CCDC149: variants seen among roughly 807,000 people sequenced by gnomAD.
CCDC149 encodes coiled-coil domain containing 149.
Under a neutral mutation model 59.9 loss-of-function variants are expected in CCDC149, and 45 were observed. That is an observed-to-expected ratio of 0.75 (90% CI 0.59 to 0.96). The LOEUF (loss-of-function observed/expected upper bound fraction) is 0.96, where lower values mean the gene tolerates loss of function less well. Among genes scored for constraint, CCDC149 ranks in the 40% least tolerant of loss-of-function variants. The probability of loss-of-function intolerance (pLI) is 0.00; values close to 1 mark genes in which losing one functional copy is unlikely to be tolerated. For missense variants in CCDC149, 584 were observed against 664.7 expected (o/e 0.88, Z 1.33); for synonymous variants, 245 against 260.6 (o/e 0.94, Z 0.58).
At chr4:24,970,892 G>C (rs188150576) in intron 1 of CCDC149, among the ~76,000 whole-genome samples, 68 of 152,262 alleles carry the variant, frequency 4.5e-4, no homozygotes, top group African/African-American at 1.6e-3. Context: ...TGTCAAAACT[G>C]TAGAAGCACA....
At chr4:24,886,053 A>C (rs992182673) in intron 1 of CCDC149, among the ~76,000 whole-genome samples, 1 of 152,226 alleles carries the variant, frequency 6.6e-6, no homozygotes, top group Non-Finnish European at 1.5e-5. Context: ...ACAGAGAAGG[A>C]CATAGAACCT....
intron 1 of CCDC149, among the ~76,000 whole-genome samples, chr4:24,882,858 G>A (rs957515252): frequency 2.0e-5 from 3 of 152,206 alleles, no homozygotes; most frequent in East Asian, 3.8e-4. Context: ...CAGTCTCGAT[G>A]ATGAATGTGT....
At chr4:24,974,761 C>G (rs963297498) in intron 1 of CCDC149, among the ~76,000 whole-genome samples, 1 of 152,170 alleles carries the variant, frequency 6.6e-6, no homozygotes, top group Admixed American at 6.5e-5. Flanking sequence ...GACTCAGGGT[C>G]TCCCTGATTC....
At chr4:24,869,513 G>A (rs1718900882) in intron 3 of CCDC149, among the ~76,000 whole-genome samples, 1 of 152,152 alleles carries the variant, frequency 6.6e-6, no homozygotes, top group African/African-American at 2.4e-5. Context: ...CAACCAAAAG[G>A]GTCCCAACAA....
intron 1 of CCDC149, among the ~76,000 whole-genome samples, chr4:24,890,169 C>T (rs913165984): frequency 4.6e-5 from 7 of 152,180 alleles, no homozygotes; most frequent in South Asian, 2.1e-4. Context: ...GAAGCCACTC[C>T]CCCACTCTGT....
intron 2 of CCDC149, among the ~76,000 whole-genome samples, chr4:24,874,188 G>T (rs1719233509): frequency 6.6e-6 from 1 of 150,608 alleles, no homozygotes; most frequent in Non-Finnish European, 1.5e-5. Context: ...TGTTGGGAGG[G>T]ACAGTATTTG....
chr4:24,895,695 G>A (rs1010518404), intron 1 of CCDC149, among the ~76,000 whole-genome samples: 2 of 152,106 alleles, frequency 1.3e-5, no homozygotes, highest in African/African-American at 4.8e-5. Context: ...CATGGGGTGG[G>A]GTGGTGAGTC....
intron 12 of CCDC149, among the ~76,000 whole-genome samples, chr4:24,810,226 G>A (rs1047186744): frequency 2.0e-5 from 3 of 152,220 alleles, no homozygotes; most frequent in Non-Finnish European, 4.4e-5. Context: ...TTAAGTCCAT[G>A]AGAACAGGAG....
At position 24,831,494 on chromosome 4, in the gene CCDC149, T is replaced by A; in HGVS notation, c.965+12A>T. On this transcript the variant is annotated intron_variant, in intron 9 of 12. Coordinates refer to ENST00000635206, the MANE Select transcript of CCDC149 (RefSeq NM_001330643.2). The stretch of plus-strand genomic sequence containing the variant: ...CGCGCCCACCCCCCAACACAAGAGT[T>A]TGGCCACCTACTTGTTGGTTTGCCT... The A allele has an allele frequency of 6.2e-7, 1 of 1,613,522 alleles. No homozygotes were observed. Among genetic ancestry groups the A allele is most frequent in the African/African-American group, 1.3e-5 (1 of 74,990 alleles).
intron 1 of CCDC149, among the ~76,000 whole-genome samples, chr4:24,944,158 C>T (rs1723035969): frequency 6.6e-6 from 1 of 152,096 alleles, no homozygotes; most frequent in Non-Finnish European, 1.5e-5. Context: ...CCCAAATGTC[C>T]AACAATGATA....
In CCDC149 at chr4:24,820,012, A is replaced by C. The variant is rs753756980; in HGVS notation, c.1076-37T>G. The stretch of plus-strand genomic sequence containing the variant: ...AAGAGGAAAATGGATGTCTTATATC[A>C]TCAGTGGAGTTGGGTTGCATTTAGT... On this transcript the variant is annotated intron_variant, in intron 11 of 12. Coordinates refer to ENST00000635206, the MANE Select transcript of CCDC149 (RefSeq NM_001330643.2). The C allele has an allele frequency of 2.7e-5, 40 of 1,467,666 alleles. No homozygotes were observed. The East Asian group carries it at 4.2e-4, about 15-fold the overall frequency. The allele number at this position is 1,467,666 out of a possible 1,614,324, so 90.9% of individuals were successfully genotyped here.
At chr4:24,918,024 A>G (rs1440308162), upstream of CCDC149, among the ~76,000 whole-genome samples, 1 of 151,804 alleles carries the variant, frequency 6.6e-6, no homozygotes, top group African/African-American at 2.4e-5. Context: ...AGAGGGACTG[A>G]CCCTGTCGTT....
intron 1 of CCDC149, among the ~76,000 whole-genome samples, chr4:24,950,473 C>T (rs1281049268): frequency 1.3e-5 from 2 of 152,156 alleles, no homozygotes; most frequent in Non-Finnish European, 2.9e-5. Context: ...GACCCCAAAT[C>T]GAGTGGACTC....
chr4:24,935,519 T>A (rs915104923), intron 1 of CCDC149, among the ~76,000 whole-genome samples: 4 of 152,024 alleles, frequency 2.6e-5, no homozygotes, highest in African/African-American at 4.8e-5. Flanking sequence ...CATTATTAGG[T>A]CATGACAGCA....
intron 1 of CCDC149, among the ~76,000 whole-genome samples, chr4:24,881,204 G>A (rs181456907): frequency 4.8e-4 from 73 of 152,306 alleles, no homozygotes; most frequent in Non-Finnish European, 7.4e-4. Context: ...AAGGCCAAAC[G>A]TCTATTGGGT....
At chr4:24,896,638 T>C (rs1720863719) in intron 1 of CCDC149, among the ~76,000 whole-genome samples, 1 of 151,966 alleles carries the variant, frequency 6.6e-6, no homozygotes, top group Non-Finnish European at 1.5e-5. Flanking sequence ...ATATCTGAGA[T>C]AATAAAATTC....
At chr4:24,939,469 A>T (rs1722888405) in intron 1 of CCDC149, among the ~76,000 whole-genome samples, 1 of 152,150 alleles carries the variant, frequency 6.6e-6, no homozygotes, top group African/African-American at 2.4e-5. Context: ...AAAACTGGAA[A>T]CTCTAAAAAT....
At chr4:24,978,365 A>G (rs1724311624) in intron 1 of CCDC149, among the ~76,000 whole-genome samples, 1 of 152,232 alleles carries the variant, frequency 6.6e-6, no homozygotes, top group South Asian at 2.1e-4. Flanking sequence ...TGAGTTAAAT[A>G]AAGTACATTG....
intron 3 of CCDC149, among the ~76,000 whole-genome samples, chr4:24,859,610 G>C (rs1560222035): frequency 6.6e-6 from 1 of 152,140 alleles, no homozygotes; most frequent in Non-Finnish European, 1.5e-5. Flanking sequence ...AATCAGACAA[G>C]AGAAAGAAAT....
Sources: gnomAD v4.1 joint callset for allele counts (sites outside exome capture counted in the v4.1 genomes callset) on GRCh38, gnomAD v4.1.1 for gene constraint, MANE v1.5 for transcripts, NCBI Gene and HGNC (gene_info 2026-07-23, HGNC 2026-07-21) for gene names.